The following ERBB4 variants were observed in gnomAD, a reference collection of about 807,000 sequenced individuals.
ERBB4 encodes receptor tyrosine-protein kinase erbB-4.
In ERBB4, 42 loss-of-function variants were observed where a neutral mutation model predicts 158.0. The ratio of observed to expected loss-of-function variants is 0.27; its 90% CI spans 0.21 to 0.34. The LOEUF is 0.34. ERBB4 is among the 10% of genes least tolerant of loss of function. The pLI, the probability that ERBB4 is intolerant of heterozygous loss-of-function variation, is 1.00. For missense variants in ERBB4, 1,333 were observed against 1,624.1 expected (o/e 0.82, Z 3.08); for synonymous variants, 583 against 558.7 (o/e 1.04, Z -0.61).
intron 1 of ERBB4, among the ~76,000 whole-genome samples, chr2:212,159,873 T>C (rs1343398223): frequency 1.3e-5 from 2 of 152,044 alleles, no homozygotes; most frequent in African/African-American, 2.4e-5. Context: ...AAATGGCTAA[T>C]ATACTTTTCT....
At chr2:212,236,176 T>A (rs2083865656) in intron 1 of ERBB4, among the ~76,000 whole-genome samples, 1 of 152,142 alleles carries the variant, frequency 6.6e-6, no homozygotes, top group Non-Finnish European at 1.5e-5. Flanking sequence ...TTAGTATGAA[T>A]GGGTGTTGAA....
chr2:212,018,240 C>T (rs1341160169), intron 2 of ERBB4, among the ~76,000 whole-genome samples: 1 of 152,122 alleles, frequency 6.6e-6, no homozygotes, highest in Non-Finnish European at 1.5e-5. Flanking sequence ...CACAGCAGGA[C>T]TAGGATATCA....
At chr2:211,933,146 C>T (rs973322371) in intron 3 of ERBB4, among the ~76,000 whole-genome samples, 5 of 151,924 alleles carry the variant, frequency 3.3e-5, no homozygotes, top group African/African-American at 1.2e-4. Flanking sequence ...ACCTCTTTTC[C>T]CTGAGCACCA....
At chr2:211,522,439 A>G (rs1207581813) in intron 20 of ERBB4, among the ~76,000 whole-genome samples, 1 of 152,206 alleles carries the variant, frequency 6.6e-6, no homozygotes, top group African/African-American at 2.4e-5. Context: ...CTTATGGATG[A>G]GCAAATAAAG....
rs556562706 is a variant in ERBB4, at chr2:211,790,287, A to AT, written c.422-2129dup. Among the ~76,000 whole-genome samples the AT allele has an allele frequency of 2.6e-4, 39 of 152,066 alleles. No individual in the cohort carries two copies. In the East Asian group the frequency reaches 7.2e-3, roughly 28 times the overall value. On this transcript the variant is annotated intron_variant, in intron 3 of 27. Transcript: ENST00000342788. ...GACTGCTATCCAGGAAATAAAGGTTATTTTTCAGTCTACATTTAGAAAAGT... is the reference window on the plus strand; with the variant it reads ...GACTGCTATCCAGGAAATAAAGGTTATTTTTTCAGTCTACATTTAGAAAAGT...
intron 3 of ERBB4, among the ~76,000 whole-genome samples, chr2:211,796,166 A>G (rs1047194032): frequency 3.3e-5 from 5 of 151,844 alleles, no homozygotes; most frequent in Non-Finnish European, 7.4e-5. Flanking sequence ...TTTCCACCTC[A>G]TGTCACTCTA....
intron 1 of ERBB4, among the ~76,000 whole-genome samples, chr2:212,132,397 T>C (rs1402861322): frequency 1.3e-5 from 2 of 152,066 alleles, no homozygotes; most frequent in East Asian, 1.9e-4. Flanking sequence ...TCTGAGTGTA[T>C]CCATAAGGGC....
At chr2:211,484,641 C>CA (rs1197785775) in intron 20 of ERBB4, among the ~76,000 whole-genome samples, 4 of 152,084 alleles carry the variant, frequency 2.6e-5, no homozygotes, top group Non-Finnish European at 5.9e-5. Flanking sequence ...ACAAAAGTGT[C>CA]AATTTTTCAA....
chr2:212,230,271 A>C lies in ERBB4; in HGVS notation c.83-105368T>G, dbSNP rs191300431. ...CTGCATTCCAGCCTGGGCAACAGCA[A>C]GACTCTGTCTTGAAAAAAAAGGAAA... On this transcript the variant is annotated intron_variant, in intron 1 of 27. Transcript: ENST00000342788. Among the ~76,000 whole-genome samples, 3 of 152,264 alleles carry C rather than the reference A, an allele frequency of 2.0e-5. No homozygotes were observed. In the East Asian group the frequency reaches 5.8e-4, roughly 29 times the overall value.
At chr2:211,824,698 G>C (rs533886512) in intron 3 of ERBB4, among the ~76,000 whole-genome samples, 64 of 151,614 alleles carry the variant, frequency 4.2e-4, no homozygotes, top group Non-Finnish European at 5.7e-4. Context: ...ATGATGATTT[G>C]ATTGTCAAAA....
At chr2:212,010,146 G>A (rs1236428155) in intron 2 of ERBB4, among the ~76,000 whole-genome samples, 1 of 152,118 alleles carries the variant, frequency 6.6e-6, no homozygotes, top group Non-Finnish European at 1.5e-5. Flanking sequence ...TGTTGCTCGT[G>A]GAGCATCCTG....
intron 1 of ERBB4, among the ~76,000 whole-genome samples, chr2:212,408,432 G>A (rs543174804): frequency 7.8e-4 from 119 of 152,234 alleles, no homozygotes; most frequent in African/African-American, 2.5e-3. Context: ...GTAATACAAT[G>A]GGTTCCCAAA....
intron 19 of ERBB4, among the ~76,000 whole-genome samples, chr2:211,583,927 CA>C (rs2068183972): frequency 6.6e-6 from 1 of 150,416 alleles, no homozygotes. Flanking sequence ...ACAATTCAAA[CA>C]ATTTAAAATG....
At chr2:212,292,045 T>G (rs2106182705) in intron 1 of ERBB4, among the ~76,000 whole-genome samples, 1 of 152,060 alleles carries the variant, frequency 6.6e-6, no homozygotes, top group African/African-American at 2.4e-5. Flanking sequence ...GTTGTAATTC[T>G]GGAAAAACAT....
intron 20 of ERBB4, among the ~76,000 whole-genome samples, chr2:211,541,761 T>C (rs992487822): frequency 3.3e-5 from 5 of 152,040 alleles, no homozygotes; most frequent in African/African-American, 9.6e-5. Context: ...AGTGCTATCA[T>C]TGTGAAGTTC....
chr2:211,935,771 C>T (rs1473795439), intron 3 of ERBB4, among the ~76,000 whole-genome samples: 1 of 152,128 alleles, frequency 6.6e-6, no homozygotes, highest in East Asian at 1.9e-4. Context: ...GTATCTATAT[C>T]CTATTGGTTC....
intron 2 of ERBB4, among the ~76,000 whole-genome samples, chr2:212,099,738 T>TA (rs1553557621): frequency 0.1 from 12,880 of 126,392 alleles, 597 homozygotes; most frequent in Middle Eastern, 0.16. Context: ...GTTTTACAGT[T>TA]TTTTTTTTTT....
chr2:211,832,608 G>A (rs1047344227), intron 3 of ERBB4, among the ~76,000 whole-genome samples: 1 of 149,732 alleles, frequency 6.7e-6, no homozygotes, highest in Non-Finnish European at 1.5e-5. Context: ...ACGTGTGTGT[G>A]TATATATATA....
chr2:212,163,491 C>T (rs576956306), intron 1 of ERBB4, among the ~76,000 whole-genome samples: 10 of 151,936 alleles, frequency 6.6e-5, no homozygotes, highest in East Asian at 1.9e-4. Context: ...AAAGAATTGA[C>T]GTTTACTTTT....
Sources: allele counts gnomAD v4.1 joint callset (sites outside exome capture counted in the v4.1 genomes callset), GRCh38; gene constraint gnomAD v4.1.1; transcripts MANE v1.5; gene names NCBI Gene and HGNC (gene_info 2026-07-23, HGNC 2026-07-21).